The following SH3RF3 variants were observed in gnomAD, a reference collection of about 807,000 sequenced individuals.
SH3RF3 encodes the protein E3 ubiquitin-protein ligase SH3RF3.
Under a neutral mutation model 66.3 loss-of-function variants are expected in SH3RF3, and 29 were observed. The ratio of observed to expected loss-of-function variants is 0.44; its 90% CI spans 0.33 to 0.60. The LOEUF (loss-of-function observed/expected upper bound fraction) is 0.60, where lower values mean the gene tolerates loss of function less well. Ranked by LOEUF, SH3RF3 falls within the 20% of genes least tolerant of loss-of-function variation. SH3RF3 has a pLI of 0.04. For missense variants in SH3RF3, 1,194 were observed against 1,190.9 expected, an observed-to-expected ratio of 1.00 and a Z score of -0.04; for synonymous variants, 583 against 532.0, an observed-to-expected ratio of 1.10 and a Z score of -1.32.
intron 1 of SH3RF3, among the ~76,000 whole-genome samples, chr2:109,270,143 C>T (rs530440084): frequency 2.6e-5 from 4 of 152,340 alleles, no homozygotes; most frequent in Non-Finnish European, 5.9e-5. Context: ...GTCTCAGCCC[C>T]CACCTGGGGG....
chr2:109,398,165 G>A (rs1676203183), intron 3 of SH3RF3, among the ~76,000 whole-genome samples: 1 of 152,224 alleles, frequency 6.6e-6, no homozygotes, highest in African/African-American at 2.4e-5. Context: ...GGGACCTGCA[G>A]TGCTCAGGGC....
At chr2:109,225,835 G>A (rs1010205780) in intron 1 of SH3RF3, among the ~76,000 whole-genome samples, 14 of 152,150 alleles carry the variant, frequency 9.2e-5, no homozygotes, top group Non-Finnish European at 8.8e-5. Context: ...GTGCGATCCC[G>A]GCTCACTGTA....
intron 1 of SH3RF3, among the ~76,000 whole-genome samples, chr2:109,195,489 G>T (rs1392002784): frequency 6.6e-6 from 1 of 152,194 alleles, no homozygotes; most frequent in Non-Finnish European, 1.5e-5. Context: ...CACATAAAGA[G>T]CTGTAGGCTT....
intron 3 of SH3RF3, among the ~76,000 whole-genome samples, chr2:109,396,695 C>G (rs1351262399): frequency 6.6e-6 from 1 of 152,230 alleles, no homozygotes; most frequent in African/African-American, 2.4e-5. Context: ...TGACGTCAGA[C>G]TTGACTCCTG....
At chr2:109,318,403 G>A (rs1423092011) in intron 1 of SH3RF3, among the ~76,000 whole-genome samples, 2 of 152,170 alleles carry the variant, frequency 1.3e-5, no homozygotes, top group African/African-American at 4.8e-5. Context: ...ATGCCGCCGA[G>A]CGCCAGAAGA....
At chr2:109,496,203 TGGTGCATTTTACA>T (rs962908887) in intron 9 of SH3RF3, among the ~76,000 whole-genome samples, 2 of 152,232 alleles carry the variant, frequency 1.3e-5, no homozygotes, top group African/African-American at 4.8e-5. Flanking sequence ...GAGTGCGGAT[TGGTGCATTTTACA>T]GAGTGCTGAT....
At chr2:109,281,519 C>G (rs768295984) in intron 1 of SH3RF3, among the ~76,000 whole-genome samples, 2 of 152,182 alleles carry the variant, frequency 1.3e-5, no homozygotes, top group Non-Finnish European at 2.9e-5. Flanking sequence ...CCTGCTGGTC[C>G]TCAGCAGAGC....
At chr2:109,329,482 G>A (rs1229030763) in intron 1 of SH3RF3, among the ~76,000 whole-genome samples, 2 of 152,218 alleles carry the variant, frequency 1.3e-5, no homozygotes, top group Non-Finnish European at 2.9e-5. Context: ...CTGGAGCGGT[G>A]TCTTTCCCTC....
chr2:109,440,018 C>CCA (rs1414954275), intron 7 of SH3RF3, among the ~76,000 whole-genome samples: 1 of 152,050 alleles, frequency 6.6e-6, no homozygotes, highest in Non-Finnish European at 1.5e-5. Flanking sequence ...TCTTAAAGGA[C>CCA]AAATAGGAAG....
At chr2:109,176,366 T>C (rs1169185684) in intron 1 of SH3RF3, among the ~76,000 whole-genome samples, 1 of 151,994 alleles carries the variant, frequency 6.6e-6, no homozygotes, top group Non-Finnish European at 1.5e-5. Context: ...AGTGAGATAC[T>C]CTGAGAGAAC....
chr2:109,367,117 TA>T lies in SH3RF3; in HGVS notation c.850-4467del, dbSNP rs1683164924. ...ACAGGCATATGCCACTGTGCCCTGGTAATTTTTTTTTTTTTTTTTTTTTTTT... is the reference window on the plus strand; with the variant it reads ...ACAGGCATATGCCACTGTGCCCTGGTATTTTTTTTTTTTTTTTTTTTTTTT... On this transcript the variant is annotated intron_variant, in intron 2 of 9. Coordinates refer to ENST00000309415, the MANE Select transcript of SH3RF3 (RefSeq NM_001099289.3). Among the ~76,000 whole-genome samples the T allele has an allele frequency of 3.0e-5, 4 of 133,262 alleles. No homozygotes were observed. The South Asian group carries it at 1.0e-3, about 34-fold the overall frequency. The allele number at this position is 133,262 out of a possible 152,430, so 87.4% of individuals were successfully genotyped here.
At chr2:109,294,548 G>A (rs1301477823) in intron 1 of SH3RF3, among the ~76,000 whole-genome samples, 2 of 148,430 alleles carry the variant, frequency 1.3e-5, no homozygotes, top group Non-Finnish European at 3.0e-5. Flanking sequence ...GTGATAGAGG[G>A]AGACTCAGTC....
intron 3 of SH3RF3, among the ~76,000 whole-genome samples, chr2:109,388,744 T>A (rs967371988): frequency 2.4e-4 from 37 of 152,336 alleles, no homozygotes; most frequent in Admixed American, 2.4e-3. Flanking sequence ...TAGGCTCTAA[T>A]CCTCAGACCT....
intron 1 of SH3RF3, among the ~76,000 whole-genome samples, chr2:109,281,786 G>A (rs899163156): frequency 1.3e-5 from 2 of 152,162 alleles, no homozygotes; most frequent in African/African-American, 4.8e-5. Context: ...GAGGTTCTGT[G>A]CCAATGGACA....
chr2:109,342,795 G>A (rs1186226189), intron 1 of SH3RF3, among the ~76,000 whole-genome samples: 1 of 152,232 alleles, frequency 6.6e-6, no homozygotes, highest in Admixed American at 6.5e-5. Flanking sequence ...TCCACGGGTA[G>A]GACATTAAGT....
chr2:109,197,043 T>C lies in SH3RF3; in HGVS notation c.573+66930T>C, dbSNP rs115827944. On this transcript the variant is annotated intron_variant, in intron 1 of 9. Transcript: ENST00000309415. ...GTGAGTGGGTGCCACTGTTTTCCCT[T>C]TTCTGCAGATGAGTACACTGAGGCA... 2.8e-3 allele frequency among the ~76,000 whole-genome samples: 419 copies of C among 152,270 alleles called. 2 individuals carry two copies. Among genetic ancestry groups the C allele is most frequent in the African/African-American group, 9.7e-3 (402 of 41,552 alleles).
chr2:109,466,809 A>T (rs1344790759), intron 8 of SH3RF3, among the ~76,000 whole-genome samples: 1 of 151,666 alleles, frequency 6.6e-6, no homozygotes, highest in African/African-American at 2.4e-5. Flanking sequence ...ATATGTGTGT[A>T]TGTCTATATG....
intron 1 of SH3RF3, among the ~76,000 whole-genome samples, chr2:109,234,888 G>A (rs1473910301): frequency 6.6e-6 from 1 of 152,224 alleles, no homozygotes; most frequent in Non-Finnish European, 1.5e-5. Flanking sequence ...AAAGGATTCA[G>A]GGCAAACTAG....
chr2:109,198,019 G>A (rs548260892), intron 1 of SH3RF3, among the ~76,000 whole-genome samples: 5 of 152,282 alleles, frequency 3.3e-5, no homozygotes, highest in South Asian at 2.1e-4. Flanking sequence ...TTAAGTAAGC[G>A]GCAGGTTTCC....
Sources: allele counts gnomAD v4.1 joint callset (sites outside exome capture counted in the v4.1 genomes callset), GRCh38; gene constraint gnomAD v4.1.1; transcripts MANE v1.5; gene names NCBI Gene and HGNC (gene_info 2026-07-23, HGNC 2026-07-21).